Variants in SUPT3H observed in about 807,000 individuals in gnomAD.
SUPT3H encodes transcription initiation protein SPT3 homolog.
Under a neutral mutation model 44.3 loss-of-function variants are expected in SUPT3H, and 44 were observed. That is an observed-to-expected ratio of 0.99 (90% CI 0.78 to 1.28). The LOEUF is 1.28. Ranked by LOEUF, SUPT3H falls within the 50% of genes most tolerant of loss-of-function variation. SUPT3H has a pLI of 0.00. For missense variants in SUPT3H, 380 were observed against 387.1 expected (o/e 0.98, Z 0.15); for synonymous variants, 124 against 125.6 (o/e 0.99, Z 0.09).
chr6:45,190,495 T>G (rs1453883956), intron 2 of SUPT3H, among the ~76,000 whole-genome samples: 2 of 151,960 alleles, frequency 1.3e-5, no homozygotes, highest in African/African-American at 4.8e-5. Context: ...CTGAAACTTA[T>G]GTGAAAAAAA....
chr6:45,092,171 G>A (rs1273029974), intron 3 of SUPT3H, among the ~76,000 whole-genome samples: 1 of 151,558 alleles, frequency 6.6e-6, no homozygotes, highest in Non-Finnish European at 1.5e-5. Context: ...TAATTGCCTT[G>A]GTCCTTTCCA....
chr6:44,847,958 C>CTTTT (rs969869912), intron 10 of SUPT3H, among the ~76,000 whole-genome samples: 9 of 58,350 alleles, frequency 1.5e-4, no homozygotes, highest in African/African-American at 2.7e-4. Flanking sequence ...ATCTCTGTGT[C>CTTTT]TTTTTTTTTT....
intron 3 of SUPT3H, among the ~76,000 whole-genome samples, chr6:45,029,810 G>A (rs1242641737): frequency 3.3e-5 from 5 of 152,078 alleles, no homozygotes; most frequent in Non-Finnish European, 1.5e-5. Context: ...TGTCACCCAG[G>A]CTGGAGTGCT....
At chr6:44,929,761 T>C (rs1770230776) in intron 10 of SUPT3H, among the ~76,000 whole-genome samples, 2 of 133,798 alleles carry the variant, frequency 1.5e-5, no homozygotes, top group Admixed American at 7.9e-5. Context: ...GTTTCTACCA[T>C]GAGCTCCCTT....
intron 2 of SUPT3H, among the ~76,000 whole-genome samples, chr6:45,212,917 G>A (rs1048356629): frequency 6.6e-6 from 1 of 152,056 alleles, no homozygotes; most frequent in Non-Finnish European, 1.5e-5. Context: ...TTGTTTCCAG[G>A]TAAGGCAAGT....
intron 10 of SUPT3H, among the ~76,000 whole-genome samples, chr6:44,846,917 A>T (rs1186317117): frequency 6.6e-6 from 1 of 152,198 alleles, no homozygotes; most frequent in Non-Finnish European, 1.5e-5. Flanking sequence ...GGCGTGAGGC[A>T]CTGTACCCAG....
intron 2 of SUPT3H, among the ~76,000 whole-genome samples, chr6:45,209,918 C>T (rs372808417): frequency 6.6e-6 from 1 of 152,100 alleles, no homozygotes; most frequent in Admixed American, 6.6e-5. Flanking sequence ...AGGCAAGATC[C>T]TCTGCCAGCA....
chr6:45,257,967 T>C (rs1359746132), intron 2 of SUPT3H, among the ~76,000 whole-genome samples: 1 of 152,230 alleles, frequency 6.6e-6, no homozygotes, highest in Non-Finnish European at 1.5e-5. Context: ...CTGTTTTTAA[T>C]AGTGATATTT....
At chr6:45,280,832 T>C (rs1777904530) in intron 2 of SUPT3H, among the ~76,000 whole-genome samples, 2 of 151,934 alleles carry the variant, frequency 1.3e-5, no homozygotes, top group South Asian at 2.1e-4. Flanking sequence ...TATTTAAAAA[T>C]ATAACATGTT....
chr6:45,334,371 C>A (rs1435476186), intron 2 of SUPT3H, among the ~76,000 whole-genome samples: 1 of 142,620 alleles, frequency 7.0e-6, no homozygotes, highest in Non-Finnish European at 1.5e-5. Context: ...CCCTAAATTA[C>A]ATGAACCATA....
At chr6:45,162,668 C>T (rs912479670) in intron 2 of SUPT3H, among the ~76,000 whole-genome samples, 12 of 152,264 alleles carry the variant, frequency 7.9e-5, no homozygotes, top group South Asian at 2.1e-4. Context: ...GTTTACAACG[C>T]TATGAGATGT....
At chr6:45,321,968 C>T in intron 2 of SUPT3H, 1 of 891,780 alleles carries the variant, frequency 1.1e-6, no homozygotes, top group Non-Finnish European at 1.7e-6. Flanking sequence ...ATTCATTAAT[C>T]ATCAAGTAAA....
At chr6:45,285,738 A>C (rs1779121280) in intron 2 of SUPT3H, among the ~76,000 whole-genome samples, 1 of 152,164 alleles carries the variant, frequency 6.6e-6, no homozygotes, top group Non-Finnish European at 1.5e-5. Context: ...AATTGGAAAA[A>C]ACTACTTTAA....
chr6:44,856,476 T>C (rs896509935), intron 10 of SUPT3H, among the ~76,000 whole-genome samples: 1 of 152,246 alleles, frequency 6.6e-6, no homozygotes, highest in Non-Finnish European at 1.5e-5. Flanking sequence ...GTTTCAAGTA[T>C]TTGCAACATA....
At chr6:44,890,280 A>T (rs1763062740) in intron 10 of SUPT3H, among the ~76,000 whole-genome samples, 3 of 150,438 alleles carry the variant, frequency 2.0e-5, no homozygotes, top group Admixed American at 1.3e-4. Flanking sequence ...AAGGACTATA[A>T]ATCATGCTGC....
chr6:45,216,421 A>G (rs973355030), intron 2 of SUPT3H, among the ~76,000 whole-genome samples: 2 of 152,208 alleles, frequency 1.3e-5, no homozygotes, highest in Non-Finnish European at 2.9e-5. Flanking sequence ...ACAATTAACA[A>G]AATGATAAGA....
chr6:44,850,365 G>A (rs1772661294), intron 10 of SUPT3H, among the ~76,000 whole-genome samples: 1 of 151,846 alleles, frequency 6.6e-6, no homozygotes, highest in Admixed American at 6.6e-5. Flanking sequence ...AAATTCCCTG[G>A]TGGGGCTTTA....
chr6:44,832,377 G>GTATC (rs935852311), intron 10 of SUPT3H, among the ~76,000 whole-genome samples: 2 of 152,056 alleles, frequency 1.3e-5, no homozygotes, highest in African/African-American at 2.4e-5. Flanking sequence ...TCCCAGTTCT[G>GTATC]TATCTATCTT....
intron 6 of SUPT3H, among the ~76,000 whole-genome samples, chr6:44,979,545 G>C (rs866488790): frequency 5.3e-5 from 8 of 151,908 alleles, no homozygotes; most frequent in Admixed American, 2.0e-4. Flanking sequence ...GTGTGTGTGG[G>C]GGGGGGAAAT....
Sources: gnomAD v4.1 joint callset for allele counts (sites outside exome capture counted in the v4.1 genomes callset) on GRCh38, gnomAD v4.1.1 for gene constraint, MANE v1.5 for transcripts, NCBI Gene and HGNC (gene_info 2026-07-23, HGNC 2026-07-21) for gene names.